ELP3: variants seen among roughly 807,000 people sequenced by gnomAD.
The protein encoded by ELP3 is elongator acetyltransferase complex subunit 3.
ELP3 carries 56 observed loss-of-function variants against 74.9 expected under a neutral mutation model. The ratio of observed to expected loss-of-function variants is 0.75; its 90% CI spans 0.60 to 0.93. The LOEUF is 0.93. ELP3 is among the 40% of genes least tolerant of loss of function. The pLI is 0.00. For synonymous variants in ELP3, 222 were observed against 239.8 expected (o/e 0.93, Z 0.68); for missense variants, 573 against 686.5 (o/e 0.83, Z 1.85).
At chr8:28,184,968 C>CAA (rs200792598) in intron 14 of ELP3, among the ~76,000 whole-genome samples, 3 of 128,892 alleles carry the variant, frequency 2.3e-5, no homozygotes, top group Non-Finnish European at 1.7e-5. Context: ...AACTCCATCT[C>CAA]AAAAAAAAAA....
At chr8:28,146,012 T>G (rs1813418223) in intron 10 of ELP3, among the ~76,000 whole-genome samples, 1 of 152,170 alleles carries the variant, frequency 6.6e-6, no homozygotes, top group Admixed American at 6.5e-5. Context: ...CTTTTAAAAT[T>G]TTACTGTATT....
chr8:28,161,975 T>A (rs750695582), intron 13 of ELP3, 22 bp from the exon 14 acceptor site: 44 of 1,612,396 alleles, frequency 2.7e-5, no homozygotes, highest in Non-Finnish European at 3.6e-5. Context: ...TAATTCCCAC[T>A]CCCCATTGTT....
rs1400305578 is a variant in ELP3 at position 28,160,316 on chromosome 8, G to A, written c.1345G>A (p.Gly449Ser). ...AGACCCAGATCAAGACATTTTGATT[G>A]GCCTCCTACGATTACGCAAGTGTTC... ...YEDPDQDILI[G>S]LLRLRKCSEE... The change falls in exon 13 of 15, where the codon GGC becomes AGC. Residue 449 changes from glycine to serine, a missense_variant. Gly to Ser is a moderately conservative substitution (Grantham distance 56). Transcript: ENST00000256398. 2 of 1,613,988 alleles carry A rather than the reference G, an allele frequency of 1.2e-6. No individual in the cohort carries two copies. Among genetic ancestry groups the A allele is most frequent in the Non-Finnish European group, 1.7e-6 (2 of 1,180,008 alleles).
chr8:28,096,589 G>A (rs569271515), intron 1 of ELP3, among the ~76,000 whole-genome samples: 11 of 152,330 alleles, frequency 7.2e-5, no homozygotes, highest in Admixed American at 6.5e-4. Context: ...AGTGGATGGC[G>A]TCATACAAGA....
chr8:28,179,773 T>C (rs1814925188), intron 14 of ELP3, among the ~76,000 whole-genome samples: 1 of 152,144 alleles, frequency 6.6e-6, no homozygotes, highest in Non-Finnish European at 1.5e-5. Flanking sequence ...CCTTTGAGAA[T>C]CTAATGCCAC....
At chr8:28,149,107 G>A (rs1268387238) in intron 10 of ELP3, among the ~76,000 whole-genome samples, 1 of 152,160 alleles carries the variant, frequency 6.6e-6, no homozygotes, top group Non-Finnish European at 1.5e-5. Flanking sequence ...CTTAATCTTG[G>A]CCACCAGAAC....
At chr8:28,177,818 C>T (rs1814823494) in intron 14 of ELP3, among the ~76,000 whole-genome samples, 1 of 152,178 alleles carries the variant, frequency 6.6e-6, no homozygotes, top group African/African-American at 2.4e-5. Flanking sequence ...TTAAGGAATT[C>T]CAAGAGATAA....
intron 7 of ELP3, among the ~76,000 whole-genome samples, chr8:28,115,827 G>A (rs1294843873): frequency 6.6e-6 from 1 of 152,120 alleles, no homozygotes; most frequent in Non-Finnish European, 1.5e-5. Context: ...TGAAGATCTT[G>A]GAAGGAATAT....
intron 7 of ELP3, among the ~76,000 whole-genome samples, chr8:28,124,554 A>C (rs531879230): frequency 3.9e-5 from 6 of 152,196 alleles, no homozygotes; most frequent in Non-Finnish European, 5.9e-5. Context: ...TAATGTTTTT[A>C]TGTATATAAC....
chr8:28,131,583 C>T, intron 8 of ELP3, among the ~76,000 whole-genome samples: 1 of 152,212 alleles, frequency 6.6e-6, no homozygotes, highest in East Asian at 1.9e-4. Context: ...TGAATGGGAA[C>T]ACCTTCGTGG....
intron 14 of ELP3, among the ~76,000 whole-genome samples, chr8:28,162,810 G>A (rs960515633): frequency 5.3e-5 from 8 of 152,300 alleles, no homozygotes; most frequent in Non-Finnish European, 8.8e-5. Context: ...GGTGATAAAC[G>A]GGAATGTTTA....
At chr8:28,158,333 C>A (rs1813922603) in intron 11 of ELP3, among the ~76,000 whole-genome samples, 1 of 152,096 alleles carries the variant, frequency 6.6e-6, no homozygotes, top group South Asian at 2.1e-4. Flanking sequence ...TTTAAAAGCA[C>A]TACTGTACTA....
upstream of ELP3, chr8:28,093,090 G>C: frequency 6.7e-7 from 1 of 1,496,824 alleles, no homozygotes; most frequent in South Asian, 1.2e-5. Flanking sequence ...TCCGGGAAGA[G>C]CTTTACGATA....
chr8:28,153,019 A>AT (rs1229658985), intron 10 of ELP3, among the ~76,000 whole-genome samples: 3 of 152,218 alleles, frequency 2.0e-5, no homozygotes, highest in African/African-American at 7.2e-5. Context: ...ACCATAAATG[A>AT]TTTTTAATGT....
chr8:28,097,273 A>T lies in ELP3; in HGVS notation c.74A>T (p.Gln25Leu). ...CTGACTATAGGAGATGTTATTAAACAACTGATTGAAGCCCACGAGCAGGGG... is the reference window on the plus strand; with the variant it reads ...CTGACTATAGGAGATGTTATTAAACTACTGATTGAAGCCCACGAGCAGGGG... ...MMLTIGDVIK[Q>L]LIEAHEQGKD... Residue 25 changes from glutamine to leucine, a missense_variant, in exon 2 of 15, where the codon CAA becomes CTA. Transcript: ENST00000256398. The T allele has an allele frequency of 6.2e-7, 1 of 1,614,082 alleles. No individual in the cohort carries two copies. The highest frequency in any genetic ancestry group is 2.2e-5 in the East Asian group (1 of 44,872).
intron 10 of ELP3, among the ~76,000 whole-genome samples, chr8:28,152,621 C>T (rs1813685016): frequency 6.6e-6 from 1 of 152,142 alleles, no homozygotes; most frequent in Admixed American, 6.5e-5. Context: ...GCCTGGCCAA[C>T]ATGGCAAAAC....
intron 9 of ELP3, among the ~76,000 whole-genome samples, chr8:28,136,108 C>T (rs1292270161): frequency 3.3e-5 from 5 of 151,968 alleles, no homozygotes; most frequent in South Asian, 2.1e-4. Context: ...ATTACAGACG[C>T]GCACCACCAC....
chr8:28,155,774 C>G (rs1813801582), intron 10 of ELP3, among the ~76,000 whole-genome samples, 168 bp from the exon 11 acceptor site: 1 of 152,222 alleles, frequency 6.6e-6, no homozygotes, highest in Admixed American at 6.5e-5. Context: ...AAAGCTGAGG[C>G]ATAGAGAAGC....
Position 28,160,466 on chromosome 8 carries a change from A to G in ELP3, c.1485+10A>G. On this transcript the variant is annotated intron_variant, in intron 13 of 14. Coordinates refer to ENST00000256398, the MANE Select transcript of ELP3 (RefSeq NM_018091.6). ...TAAATTTCAGCATCAGGTATCCTGT[A>G]TTCCATTTCTATTTGACTTCTAAGA... 1 of 1,608,148 alleles carries G rather than the reference A, an allele frequency of 6.2e-7. No individual in the cohort carries two copies. Among genetic ancestry groups the G allele is most frequent in the East Asian group, 2.2e-5 (1 of 44,794 alleles).
Sources: gnomAD v4.1 joint callset for allele counts (sites outside exome capture counted in the v4.1 genomes callset) on GRCh38, gnomAD v4.1.1 for gene constraint, MANE v1.5 for transcripts, NCBI Gene and HGNC (gene_info 2026-07-23, HGNC 2026-07-21) for gene names.